Variants in BTRC observed in about 807,000 individuals in gnomAD.
BTRC encodes beta-transducin repeat containing E3 ubiquitin protein ligase.
BTRC carries 42 observed loss-of-function variants against 85.5 expected under a neutral mutation model. The observed-to-expected ratio is 0.49, with a 90% CI of 0.38 to 0.64. BTRC has a LOEUF of 0.64. BTRC is among the 30% of genes least tolerant of loss of function. The probability of loss-of-function intolerance (pLI) is 0.00; values close to 1 mark genes in which losing one functional copy is unlikely to be tolerated. For missense variants in BTRC, 594 were observed against 743.5 expected (o/e 0.80, Z 2.34); for synonymous variants, 255 against 263.3 (o/e 0.97, Z 0.30).
intron 13 of BTRC, among the ~76,000 whole-genome samples, chr10:101,548,657 C>A (rs2062596816): frequency 3.3e-5 from 5 of 152,126 alleles, no homozygotes. Flanking sequence ...GAGGCTGAGG[C>A]AGGAGAATCG....
chr10:101,419,364 T>G (rs1462596454), intron 1 of BTRC, among the ~76,000 whole-genome samples: 1 of 152,126 alleles, frequency 6.6e-6, no homozygotes, highest in Non-Finnish European at 1.5e-5. Context: ...ACCTGGGCCT[T>G]CTGCTTTAGA....
intron 13 of BTRC, among the ~76,000 whole-genome samples, chr10:101,540,037 G>A (rs927576120): frequency 2.0e-5 from 3 of 152,152 alleles, no homozygotes; most frequent in Non-Finnish European, 4.4e-5. Context: ...TGCATTATCA[G>A]ATGTAATTCA....
At chr10:101,374,086 A>G (rs1942719008) in intron 1 of BTRC, among the ~76,000 whole-genome samples, 2 of 152,196 alleles carry the variant, frequency 1.3e-5, no homozygotes, top group Non-Finnish European at 2.9e-5. Context: ...AGAAAAGTTT[A>G]TCTGCTGGGC....
chr10:101,529,362 G>A (rs1386332518), intron 6 of BTRC, among the ~76,000 whole-genome samples: 1 of 152,196 alleles, frequency 6.6e-6, no homozygotes, highest in Non-Finnish European at 1.5e-5. Flanking sequence ...TTAGAATGTA[G>A]ATAGTATCAT....
intron 1 of BTRC, among the ~76,000 whole-genome samples, chr10:101,389,115 GTGTGTTTTTTTTTTTTTTTTTT>G (rs1344274304): frequency 5.6e-5 from 2 of 35,462 alleles, no homozygotes; most frequent in Non-Finnish European, 9.9e-5. Context: ...GATTTTTTGT[GTGTGTTTTTTTTTTTTTTTTTT>G]TTTTTTTTTT....
chr10:101,551,659 C>T (rs571141279), intron 14 of BTRC, among the ~76,000 whole-genome samples: 3 of 152,322 alleles, frequency 2.0e-5, no homozygotes, highest in Non-Finnish European at 2.9e-5. Flanking sequence ...CCTCAGTTCT[C>T]GTGGCGGAAG....
chr10:101,354,568 C>G (rs952437249), intron 1 of BTRC: 1 of 334,410 alleles, frequency 3.0e-6, no homozygotes, highest in African/African-American at 2.2e-5. Flanking sequence ...GGAGAAACGC[C>G]GTGAGGCCGC....
At chr10:101,519,279 G>T (rs1269620764) in intron 4 of BTRC, among the ~76,000 whole-genome samples, 1 of 151,750 alleles carries the variant, frequency 6.6e-6, no homozygotes, top group African/African-American at 2.4e-5. Flanking sequence ...AGGGTTTCAC[G>T]ATGTTGGCCA....
chr10:101,356,422 A>T (rs1385369829), intron 1 of BTRC, among the ~76,000 whole-genome samples: 1 of 152,224 alleles, frequency 6.6e-6, no homozygotes. Flanking sequence ...TCAGCCTAGT[A>T]ACATTCTCAG....
rs535656002 is a variant in BTRC, at chr10:101,387,528, C to CTTTTT, written c.48+33314_48+33318dup. Among the ~76,000 whole-genome samples the CTTTTT allele has an allele frequency of 2.8e-3, 127 of 45,084 alleles. 38 individuals are homozygous for CTTTTT. Among genetic ancestry groups the CTTTTT allele is most frequent in the South Asian group, 0.027 (22 of 816 alleles). The allele number at this position is 45,084 out of a possible 152,430, so 29.6% of individuals were successfully genotyped here. On this transcript the variant is annotated intron_variant, in intron 1 of 14. Coordinates refer to ENST00000370187, the MANE Select transcript of BTRC (RefSeq NM_033637.4). ...TGTGGCTTTTTATACCTTCATGGGA[C>CTTTTT]TTTTTTTTTTTTTTTTTTGAGATAG...
chr10:101,366,746 G>T (rs1942386706), intron 1 of BTRC, among the ~76,000 whole-genome samples: 1 of 119,308 alleles, frequency 8.4e-6, no homozygotes, highest in African/African-American at 3.2e-5. Flanking sequence ...GGAGGCCCAG[G>T]GAGTTTGGAC....
chr10:101,432,849 T>C (rs1944436402), intron 2 of BTRC, among the ~76,000 whole-genome samples: 1 of 152,196 alleles, frequency 6.6e-6, no homozygotes, highest in African/African-American at 2.4e-5. Flanking sequence ...CCAGCCGCAG[T>C]GTGTGACAAT....
intron 4 of BTRC, among the ~76,000 whole-genome samples, chr10:101,501,987 C>G (rs565160579): frequency 6.6e-6 from 1 of 152,250 alleles, no homozygotes; most frequent in South Asian, 2.1e-4. Flanking sequence ...CTCAGAAAGA[C>G]CAAAAATCTG....
intron 7 of BTRC, among the ~76,000 whole-genome samples, chr10:101,531,829 AGAT>A: frequency 6.6e-6 from 1 of 152,400 alleles, no homozygotes; most frequent in East Asian, 1.9e-4. Flanking sequence ...ACTAATAAGT[AGAT>A]GAGAGAGTTA....
intron 3 of BTRC, among the ~76,000 whole-genome samples, chr10:101,473,121 T>A (rs1945578239): frequency 6.7e-6 from 1 of 149,724 alleles, no homozygotes; most frequent in Non-Finnish European, 1.5e-5. Flanking sequence ...TCCCACACAG[T>A]GACTAAGACC....
intron 4 of BTRC, among the ~76,000 whole-genome samples, chr10:101,501,392 A>G (rs1946398141): frequency 6.6e-6 from 1 of 152,198 alleles, no homozygotes; most frequent in South Asian, 2.1e-4. Context: ...ATGAACTCCC[A>G]TGCCAGCAGA....
At chr10:101,466,705 C>T (rs1022746263) in intron 3 of BTRC, among the ~76,000 whole-genome samples, 3 of 152,070 alleles carry the variant, frequency 2.0e-5, no homozygotes, top group Non-Finnish European at 2.9e-5. Flanking sequence ...ACACCTTGCA[C>T]GCTGCTGGAA....
chr10:101,387,473 G>C (rs1440938534), intron 1 of BTRC, among the ~76,000 whole-genome samples: 4 of 134,016 alleles, frequency 3.0e-5, no homozygotes, highest in Non-Finnish European at 6.4e-5. Context: ...GGTAGTTAAG[G>C]TCTCATACCT....
chr10:101,455,999 C>CACACACACACACACACACACACAA (rs1945069724), intron 2 of BTRC, among the ~76,000 whole-genome samples: 1 of 149,432 alleles, frequency 6.7e-6, no homozygotes, highest in African/African-American at 2.5e-5. Context: ...CACACACACA[C>CACACACACACACACACACACACAA]ACACACACAC....
Sources: gnomAD v4.1 joint callset for allele counts (sites outside exome capture counted in the v4.1 genomes callset) on GRCh38, gnomAD v4.1.1 for gene constraint, MANE v1.5 for transcripts, NCBI Gene and HGNC (gene_info 2026-07-23, HGNC 2026-07-21) for gene names.